WDR41: variants seen among roughly 807,000 people sequenced by gnomAD.
WDR41 encodes the protein WD repeat-containing protein 41.
Under a neutral mutation model 69.3 loss-of-function variants are expected in WDR41, and 63 were observed. The ratio of observed to expected loss-of-function variants is 0.91; its 90% confidence interval spans 0.74 to 1.12. The LOEUF (loss-of-function observed/expected upper bound fraction) is 1.12. WDR41 is among the 50% of genes most tolerant of loss of function. WDR41 has a pLI of 0.00. For synonymous variants in WDR41, 185 were observed against 192.1 expected (o/e 0.96, Z 0.31); for missense variants, 543 against 534.5 (o/e 1.02, Z -0.16).
intron 1 of WDR41, among the ~76,000 whole-genome samples, chr5:77,500,507 G>A (rs1477816825): frequency 5.3e-5 from 8 of 152,072 alleles, no homozygotes; most frequent in African/African-American, 1.9e-4. Flanking sequence ...TATTACTGTA[G>A]GCCCCACAGA....
intron 2 of WDR41, among the ~76,000 whole-genome samples, chr5:77,467,854 A>T (rs1800372644): frequency 6.6e-6 from 1 of 152,038 alleles, no homozygotes. Context: ...TAAAAATTTA[A>T]AACCCAGAAT....
At chr5:77,458,782 A>G in intron 5 of WDR41, 1 of 249,306 alleles carries the variant, frequency 4.0e-6, no homozygotes, top group Non-Finnish European at 7.6e-6. Context: ...TACAAGTAAT[A>G]TCTCTTCCTG....
chr5:77,490,743 C>T (rs150024085), intron 1 of WDR41, among the ~76,000 whole-genome samples: 2 of 152,244 alleles, frequency 1.3e-5, no homozygotes, highest in African/African-American at 4.8e-5. Flanking sequence ...AAGCAAATAA[C>T]ATGATTAACC....
At chr5:77,594,529 C>G (rs970575381) in intron 1 of WDR41, among the ~76,000 whole-genome samples, 18 of 152,068 alleles carry the variant, frequency 1.2e-4, no homozygotes, top group African/African-American at 4.1e-4. Context: ...AAATTTCTAA[C>G]AATGGTATAC....
intron 1 of WDR41, among the ~76,000 whole-genome samples, chr5:77,540,721 T>A: frequency 3.3e-5 from 2 of 60,590 alleles, no homozygotes; most frequent in African/African-American, 5.4e-5. Context: ...AAGAAAAGAA[T>A]GTAGGGAGGG....
chr5:77,503,151 A>T (rs1802045790), intron 1 of WDR41, among the ~76,000 whole-genome samples: 2 of 151,112 alleles, frequency 1.3e-5, no homozygotes, highest in Non-Finnish European at 2.9e-5. Flanking sequence ...TAGGCTCAAA[A>T]TAAAGGGATG....
At chr5:77,542,588 C>T (rs11950176) in intron 1 of WDR41, among the ~76,000 whole-genome samples, 2 of 151,888 alleles carry the variant, frequency 1.3e-5, no homozygotes, top group African/African-American at 4.8e-5. Flanking sequence ...TATTACATAA[C>T]AATAACATAA....
chr5:77,461,021 T>C (rs1337360899), intron 4 of WDR41, among the ~76,000 whole-genome samples: 1 of 152,276 alleles, frequency 6.6e-6, no homozygotes, highest in East Asian at 1.9e-4. Flanking sequence ...CATACTATCA[T>C]TTACAGGTAA....
intron 1 of WDR41, among the ~76,000 whole-genome samples, chr5:77,615,509 A>G (rs1220082192): frequency 6.6e-6 from 1 of 152,044 alleles, no homozygotes; most frequent in Non-Finnish European, 1.5e-5. Context: ...TATTTTTTCT[A>G]CATTTGAATA....
chr5:77,451,203 C>A, intron 7 of WDR41, 88 bp downstream of exon 7: 1 of 1,248,746 alleles, frequency 8.0e-7, no homozygotes, highest in Non-Finnish European at 1.2e-6. Flanking sequence ...CACGCAATGT[C>A]CCTTAAATAA....
intron 1 of WDR41, among the ~76,000 whole-genome samples, chr5:77,566,458 C>CA (rs1270343030): frequency 6.6e-6 from 1 of 151,928 alleles, no homozygotes; most frequent in African/African-American, 2.4e-5. Flanking sequence ...CATTCTAGGA[C>CA]AAAAAAAGAT....
chr5:77,538,466 C>A (rs1743029249), intron 1 of WDR41, among the ~76,000 whole-genome samples: 1 of 152,116 alleles, frequency 6.6e-6, no homozygotes, highest in African/African-American at 2.4e-5. Context: ...TCCCTCCCCA[C>A]TATAGTATTC....
chr5:77,581,463 A>T (rs1387965298), intron 1 of WDR41, among the ~76,000 whole-genome samples: 1 of 152,178 alleles, frequency 6.6e-6, no homozygotes, highest in Non-Finnish European at 1.5e-5. Flanking sequence ...CAGAAAATCA[A>T]CAAGAAGACA....
rs1406829866 is a variant in WDR41, at chr5:77,518,467, G to C, written c.43-28895C>G. Among the ~76,000 whole-genome samples the C allele has an allele frequency of 5.3e-5, 8 of 152,004 alleles. No homozygotes were observed. The East Asian group carries it at 1.5e-3, about 29-fold the overall frequency. ...TCTGCAGGGCAAATGGAGTTAACTG[G>C]AATTTATCCTATAGGATTATCAGTT... is the stretch of plus-strand genomic sequence containing the variant. On this transcript the variant is annotated intron_variant, in intron 1 of 5. Coordinates refer to the WDR41 transcript ENST00000509971.
At chr5:77,436,920 A>C (rs1051514759) in intron 11 of WDR41, among the ~76,000 whole-genome samples, 1 of 152,220 alleles carries the variant, frequency 6.6e-6, no homozygotes, top group African/African-American at 2.4e-5. Context: ...TCATAAAATT[A>C]TGATATAAGC....
chr5:77,542,525 T>C (rs1019521260), intron 1 of WDR41, among the ~76,000 whole-genome samples: 4 of 152,200 alleles, frequency 2.6e-5, no homozygotes, highest in African/African-American at 9.7e-5. Context: ...CACTGATTCT[T>C]ATAAAATAAA....
At chr5:77,484,162 G>A (rs163036) in intron 2 of WDR41, among the ~76,000 whole-genome samples, 6 of 151,958 alleles carry the variant, frequency 3.9e-5, no homozygotes. Context: ...AGCAATTACC[G>A]TTTCACTCAC....
In WDR41 at chr5:77,441,719, T is replaced by C. The variant is rs569564399; in HGVS notation, c.698-722A>G. 1.0e-4 allele frequency among the ~76,000 whole-genome samples: 15 copies of C among 147,900 alleles called. No individual in the cohort carries two copies. The South Asian group carries it at 2.4e-3, about 24-fold the overall frequency. ...CGCCACTGCACTCCAGCCTGGGCAATAGAGCGAGACTCAGTCTAAAACACA... is the reference window on the plus strand; with the variant it reads ...CGCCACTGCACTCCAGCCTGGGCAACAGAGCGAGACTCAGTCTAAAACACA... On this transcript the variant is annotated intron_variant, in intron 8 of 12. Transcript: ENST00000296679.
At chr5:77,446,886 C>CTGCAACTGCAA (rs1799407638) in intron 8 of WDR41, among the ~76,000 whole-genome samples, 1 of 152,124 alleles carries the variant, frequency 6.6e-6, no homozygotes, top group Non-Finnish European at 1.5e-5. Flanking sequence ...GACAAAGATG[C>CTGCAACTGCAA]CAAAAGCAAC....
Sources: allele counts gnomAD v4.1 joint callset (sites outside exome capture counted in the v4.1 genomes callset), GRCh38; gene constraint gnomAD v4.1.1; transcripts MANE v1.5; gene names NCBI Gene and HGNC (gene_info 2026-07-23, HGNC 2026-07-21).